Variants in INSYN2A observed in about 807,000 individuals in gnomAD.
The protein encoded by INSYN2A is family with sequence similarity 196 member A.
In INSYN2A, 17 loss-of-function variants were observed where a neutral mutation model predicts 39.4. The observed-to-expected ratio is 0.43, with a 90% CI of 0.30 to 0.65. The LOEUF is 0.65. INSYN2A is among the 30% of genes least tolerant of loss of function. The pLI is 0.14. For missense variants in INSYN2A, 595 were observed against 631.2 expected (o/e 0.94, Z 0.61); for synonymous variants, 255 against 265.7 (o/e 0.96, Z 0.39).
intron 4 of INSYN2A, among the ~76,000 whole-genome samples, chr10:127,173,979 C>T (rs562418489): frequency 6.6e-6 from 1 of 152,318 alleles, no homozygotes; most frequent in South Asian, 2.1e-4. Context: ...CAGGGCAGGA[C>T]CTGCCCCAGC....
chr10:127,159,662 G>T (rs1055038082), intron 4 of INSYN2A, among the ~76,000 whole-genome samples: 4 of 152,162 alleles, frequency 2.6e-5, no homozygotes, highest in African/African-American at 9.7e-5. Flanking sequence ...ACAATTTGGG[G>T]TATACGTGTT....
intron 4 of INSYN2A, among the ~76,000 whole-genome samples, chr10:127,161,210 A>G (rs1038206183): frequency 2.6e-5 from 4 of 152,216 alleles, no homozygotes; most frequent in African/African-American, 9.6e-5. Context: ...ATACTCATGG[A>G]AACGCAAGTA....
intron 5 of INSYN2A, among the ~76,000 whole-genome samples, chr10:127,153,557 G>C (rs1344753683): frequency 6.6e-6 from 1 of 152,130 alleles, no homozygotes; most frequent in Non-Finnish European, 1.5e-5. Flanking sequence ...CCAGAACACA[G>C]AGCCCAGGGC....
In INSYN2A at chr10:127,175,924, C is replaced by T. The variant is rs1325155426; in HGVS notation, c.472G>A (p.Glu158Lys). 4 of 1,614,220 alleles carry T rather than the reference C, an allele frequency of 2.5e-6. No individual in the cohort carries two copies. The highest frequency in any genetic ancestry group is 3.4e-6 in the Non-Finnish European group (4 of 1,180,050). Reference protein sequence around the residue: ...KEKNEAGPMEEARPCGAGRVH... With the variant: ...KEKNEAGPMEKARPCGAGRVH... ...CGCCCCGCGCCACATGGCCGGGCCT[C>T]CTCCATGGGTCCAGCCTCGTTCTTC... The change falls in exon 4 of 6, where the codon GAG becomes AAG. Residue 158 changes from glutamate to lysine, a missense_variant. Coordinates refer to ENST00000522781, the MANE Select transcript of INSYN2A (RefSeq NM_001039762.3). The surrounding 1 kb of genome is among the most constrained non-coding windows in gnomAD (Gnocchi z 6.3).
chr10:127,182,518 A>T (rs2055834484), intron 2 of INSYN2A, among the ~76,000 whole-genome samples: 1 of 152,140 alleles, frequency 6.6e-6, no homozygotes, highest in African/African-American at 2.4e-5. Context: ...TTTGATTTTC[A>T]GCTTATGTTG....
At chr10:127,141,683 A>G (rs1352681427) in intron 5 of INSYN2A, among the ~76,000 whole-genome samples, 1 of 152,088 alleles carries the variant, frequency 6.6e-6, no homozygotes, top group Admixed American at 6.6e-5. Flanking sequence ...AAACAAAAAA[A>G]AAAAAAAAGC....
At chr10:127,163,110 T>C (rs1304522577) in intron 4 of INSYN2A, among the ~76,000 whole-genome samples, 1 of 152,196 alleles carries the variant, frequency 6.6e-6, no homozygotes, top group African/African-American at 2.4e-5. Context: ...TTGCAGACCA[T>C]GCCACTGTGG....
chr10:127,156,298 T>A (rs1303136023), intron 4 of INSYN2A, among the ~76,000 whole-genome samples: 1 of 152,094 alleles, frequency 6.6e-6, no homozygotes, highest in Non-Finnish European at 1.5e-5. Context: ...CAGGATCTCA[T>A]TATTCTTAGG....
At chr10:127,161,054 C>G (rs11016547) in intron 4 of INSYN2A, among the ~76,000 whole-genome samples, 518 of 152,268 alleles carry the variant, frequency 3.4e-3, no homozygotes, top group African/African-American at 7.5e-3. Flanking sequence ...GTGATTCCCT[C>G]CTATGTTTGA....
chr10:127,176,238 C>T lies in INSYN2A; in HGVS notation c.158G>A (p.Cys53Tyr). 2 of 1,614,152 alleles carry T rather than the reference C, an allele frequency of 1.2e-6. No homozygotes were observed. The highest frequency in any genetic ancestry group is 1.7e-6 in the Non-Finnish European group (2 of 1,180,040). The stretch of plus-strand genomic sequence containing the variant: ...GTCCCTCTGCTCATTCTGTGCCTCG[C>T]AGATATCCTTAAACCGCACCTGCAG... Reference protein sequence around the residue: ...KALQVRFKDICEAQNEQRDTQ... With the variant: ...KALQVRFKDIYEAQNEQRDTQ... Residue 53 changes from cysteine (C) to tyrosine (Y), a missense_variant, in exon 4 of 6, where the codon TGC becomes TAC. By Grantham distance (194) the Cys-to-Tyr change is radical. Around this residue, in one of 2 missense-constraint regions of INSYN2A, gnomAD observed 478 missense variants for 467.4 expected, o/e 1.02. Coordinates refer to ENST00000522781, the MANE Select transcript of INSYN2A (RefSeq NM_001039762.3). This position sits in a 1 kb window ranked among gnomAD's most constrained non-coding sequence, Gnocchi z 4.4.
chr10:127,178,831 C>T (rs1033476110), intron 2 of INSYN2A, among the ~76,000 whole-genome samples: 1 of 152,124 alleles, frequency 6.6e-6, no homozygotes, highest in Non-Finnish European at 1.5e-5. Flanking sequence ...GAGAAAGCAT[C>T]GATGGCTTTT....
rs1296568480 is a variant in INSYN2A, at chr10:127,175,424, C to G, written c.972G>C (p.Gln324His). ...LSPECSEQPS[Q>H]THTPPGLGNQ... is the part of the protein sequence containing the mutation. ...TCCCCAGCCCCGGCGGGGTGTGAGTCTGCGACGGCTGCTCACTACATTCGG... is the reference window on the plus strand; with the variant it reads ...TCCCCAGCCCCGGCGGGGTGTGAGTGTGCGACGGCTGCTCACTACATTCGG... The change falls in exon 4 of 6, where the codon CAG becomes CAC. Residue 324 changes from glutamine to histidine, a missense_variant. Transcript: ENST00000522781. The surrounding 1 kb of genome is among the most constrained non-coding windows in gnomAD (Gnocchi z 6.3). 4 of 1,613,032 alleles carry G rather than the reference C, an allele frequency of 2.5e-6. No homozygotes were observed. Among genetic ancestry groups the G allele is most frequent in the Non-Finnish European group, 3.4e-6 (4 of 1,180,042 alleles).
At chr10:127,153,960 G>A (rs368596042) in intron 4 of INSYN2A, 37 bp from the exon 5 acceptor site, 4 of 1,513,452 alleles carry the variant, frequency 2.6e-6, no homozygotes, top group Non-Finnish European at 2.8e-6. Context: ...ACAAGCGGTG[G>A]CTGGGGGTCA....
chr10:127,146,269 G>T, intron 5 of INSYN2A: 2 of 231,154 alleles, frequency 8.7e-6, no homozygotes, highest in East Asian at 1.6e-4. Flanking sequence ...TTAACTAATT[G>T]TTTCACAAAT....
intron 2 of INSYN2A, among the ~76,000 whole-genome samples, chr10:127,181,614 C>G (rs935701971): frequency 4.6e-5 from 7 of 152,146 alleles, no homozygotes; most frequent in Non-Finnish European, 8.8e-5. Flanking sequence ...ACCTTGGAGT[C>G]AAAGATGCTG....
At chr10:127,185,098 C>T (rs2056105947) in intron 2 of INSYN2A, among the ~76,000 whole-genome samples, 1 of 152,202 alleles carries the variant, frequency 6.6e-6, no homozygotes, top group Admixed American at 6.5e-5. Flanking sequence ...TGTGCAAGAG[C>T]AGGCCTGAAG....
chr10:127,147,698 A>G (rs1035382031), intron 5 of INSYN2A, among the ~76,000 whole-genome samples: 4 of 152,070 alleles, frequency 2.6e-5, no homozygotes, highest in African/African-American at 7.2e-5. Context: ...CCCCAAATGG[A>G]AAGGGCTAAG....
chr10:127,195,782 A>C (rs567963600), intron 1 of INSYN2A, among the ~76,000 whole-genome samples: 1 of 152,104 alleles, frequency 6.6e-6, no homozygotes, highest in African/African-American at 2.4e-5. Flanking sequence ...ATGCAGTTGC[A>C]TAACCTTGCC....
At chr10:127,160,288 T>A (rs1166255705) in intron 4 of INSYN2A, among the ~76,000 whole-genome samples, 2 of 152,226 alleles carry the variant, frequency 1.3e-5, no homozygotes, top group Non-Finnish European at 2.9e-5. Flanking sequence ...ATTGGATTGA[T>A]GTAAATGTGC....
Sources: allele counts gnomAD v4.1 joint callset (sites outside exome capture counted in the v4.1 genomes callset), GRCh38; gene constraint gnomAD v4.1.1; regional missense constraint gnomAD v4.1.1; non-coding constraint Gnocchi (gnomAD v3.1); transcripts MANE v1.5; gene names NCBI Gene and HGNC (gene_info 2026-07-23, HGNC 2026-07-21).